PRPF8: variants seen among roughly 807,000 people sequenced by gnomAD.
PRPF8 encodes pre-mRNA-processing-splicing factor 8.
PRPF8 carries 64 observed loss-of-function variants against 285.9 expected under a neutral mutation model. The ratio of observed to expected loss-of-function variants is 0.22; its 90% CI spans 0.18 to 0.28. The LOEUF (loss-of-function observed/expected upper bound fraction) is 0.28. Among genes scored for constraint, PRPF8 ranks in the 10% least tolerant of loss-of-function variants. The pLI is 1.00. For missense variants in PRPF8, 1,426 were observed against 3,026.7 expected (o/e 0.47, Z 12.41); for synonymous variants, 1,325 against 1,118.2 (o/e 1.18, Z -3.69).
chr17:1,657,563 G>A (rs28406039), intron 34 of PRPF8, among the ~76,000 whole-genome samples: 25,472 of 148,192 alleles, frequency 0.17, 4,365 homozygotes, highest in African/African-American at 0.45. Context: ...GGAGAATGGC[G>A]TGAACCTGGG....
In PRPF8 at chr17:1,675,395, C is replaced by G; in HGVS notation, c.2873-56G>C. ...GTTAGAAATCCTCTTGCAAGACTAG[C>G]CCCACAGGAACTATCATTACCTTCC... is the stretch of plus-strand genomic sequence containing the variant. On this transcript the variant is annotated intron_variant, in intron 19 of 42. Coordinates refer to ENST00000304992, the MANE Select transcript of PRPF8 (RefSeq NM_006445.4). This position sits in a 1 kb window ranked among gnomAD's most constrained non-coding sequence, Gnocchi z 6.0. 6.3e-7 allele frequency: 1 copy of G among 1,586,188 alleles called. No homozygotes were observed. Among genetic ancestry groups the G allele is most frequent in the South Asian group, 1.1e-5 (1 of 90,484 alleles).
rs781260244 is a variant in PRPF8 at position 1,673,320 on chromosome 17, C to G, written c.3657+37G>C. 6.2e-7 allele frequency: 1 copy of G among 1,610,954 alleles called. No individual in the cohort carries two copies. The highest frequency in any genetic ancestry group is 8.5e-7 in the Non-Finnish European group (1 of 1,177,794). ...CGGTGACTGACCCAGGAAGTGCAGG[C>G]GCGTTCATGTCACTCCCAGCCCCGC... On this transcript the variant is annotated intron_variant, in intron 23 of 42. Coordinates refer to ENST00000304992, the MANE Select transcript of PRPF8 (RefSeq NM_006445.4). This position sits in a 1 kb window ranked among gnomAD's most constrained non-coding sequence, Gnocchi z 5.5.
intron 24 of PRPF8, among the ~76,000 whole-genome samples, chr17:1,672,239 A>G (rs1299042214): frequency 1.3e-5 from 2 of 152,170 alleles, no homozygotes; most frequent in African/African-American, 2.4e-5. Context: ...TGTTATAGCT[A>G]AGAGTTACTC....
At chr17:1,670,304 T>C (rs1161053737) in intron 24 of PRPF8, among the ~76,000 whole-genome samples, 4 of 152,250 alleles carry the variant, frequency 2.6e-5, no homozygotes, top group African/African-American at 9.6e-5. Context: ...TTCTTGTTCA[T>C]GTGGTCTTCC....
At chr17:1,672,459 T>C (rs904911831) in intron 24 of PRPF8, among the ~76,000 whole-genome samples, 1 of 152,188 alleles carries the variant, frequency 6.6e-6, no homozygotes, top group Non-Finnish European at 1.5e-5. Flanking sequence ...TTTGTATTTT[T>C]AGCAGAGACG....
intron 14 of PRPF8, 50 bp from the exon 15 acceptor site, chr17:1,677,222 A>G (rs1334208058): frequency 6.5e-7 from 1 of 1,543,092 alleles, no homozygotes; most frequent in South Asian, 1.1e-5. Context: ...CCTTGCTTTC[A>G]ATAAGGGTCT....
rs995898931 is a variant in PRPF8 at position 1,675,081 on chromosome 17, A to G, written c.3060+71T>C. 8.6e-5 allele frequency: 136 copies of G among 1,590,596 alleles called. No individual in the cohort carries two copies. The highest frequency in any genetic ancestry group is 1.1e-4 in the Non-Finnish European group (130 of 1,163,588). ...AGCCACCGCACCCAGCCTCCTCCTCAGCAAATTCTGAGTCAGTGGGCCAGA... is the reference window on the plus strand; with the variant it reads ...AGCCACCGCACCCAGCCTCCTCCTCGGCAAATTCTGAGTCAGTGGGCCAGA... On this transcript the variant is annotated intron_variant, in intron 20 of 42. Transcript: ENST00000304992. This position sits in a 1 kb window ranked among gnomAD's most constrained non-coding sequence, Gnocchi z 6.0.
In PRPF8 at chr17:1,658,722, TG is replaced by T; in HGVS notation, c.5179del (p.Gln1727AsnfsTer8). 1 of 1,614,222 alleles carries T rather than the reference TG, an allele frequency of 6.2e-7. No homozygotes were observed. The highest frequency in any genetic ancestry group is 8.5e-7 in the Non-Finnish European group (1 of 1,180,050). On this transcript the variant is annotated frameshift_variant, in exon 33 of 43. Coordinates refer to ENST00000304992, the MANE Select transcript of PRPF8 (RefSeq NM_006445.4). LOFTEE classifies it high-confidence loss of function. The surrounding 1 kb of genome is among the most constrained non-coding windows in gnomAD (Gnocchi z 4.1). The part of the protein sequence containing the change: ...NWFPGSKPLI[Q>X]QAMAKIMKAN... ...CTTCATGATCTTGGCCATGGCCTGTTGTATGAGAGGCTTGCTGCCTGGGAAC... is the reference window on the plus strand; with the variant it reads ...CTTCATGATCTTGGCCATGGCCTGTTTATGAGAGGCTTGCTGCCTGGGAAC...
Position 1,676,547 on chromosome 17 carries a change from G to A in PRPF8, c.2346C>T (p.Leu782=), listed in dbSNP as rs759176167. The A allele has an allele frequency of 1.9e-6, 3 of 1,614,134 alleles. No homozygotes were observed. Among genetic ancestry groups the A allele is most frequent in the African/African-American group, 2.7e-5 (2 of 75,034 alleles). Residue 782 remains leucine, a synonymous_variant, in exon 16 of 43, where the codon CTC becomes CTT. Transcript: ENST00000304992. The surrounding 1 kb of genome is among the most constrained non-coding windows in gnomAD (Gnocchi z 6.3). The stretch of plus-strand genomic sequence containing the variant: ...GCCGCTCCTGTTCTGCCTTCAGATA[G>A]AGCCGGGTGAGGCGGCCCAGATTCT... ...CKKNLGRLTR[L]YLKAEQERQH... is the part of the protein sequence containing the mutation.
At position 1,659,634 on chromosome 17, in the gene PRPF8, A is replaced by G. The variant is rs2151115337; in HGVS notation, c.4947-86T>C. 6.6e-7 allele frequency: 1 copy of G among 1,519,996 alleles called. No homozygotes were observed. The highest frequency in any genetic ancestry group is 2.3e-5 in the East Asian group (1 of 43,690). 94.2% of individuals were successfully genotyped at this position (1,519,996 alleles called of 1,614,324 possible). On this transcript the variant is annotated intron_variant, in intron 31 of 42. Transcript: ENST00000304992. This position sits in a 1 kb window ranked among gnomAD's most constrained non-coding sequence, Gnocchi z 5.1. ...CCAGAACCACTTAAATCCCAAAACC[A>G]TCCCACCCACTCCACCAACTTGTTC...
chr17:1,671,591 C>A (rs931167898), intron 24 of PRPF8, among the ~76,000 whole-genome samples: 1 of 152,098 alleles, frequency 6.6e-6, no homozygotes, highest in South Asian at 2.1e-4. Context: ...GTGGCTCACG[C>A]CTGTAATCCC....
In PRPF8 at chr17:1,653,373, G is replaced by T; in HGVS notation, c.6369+169C>A. ...CCTTCTCTCAGCTGCCACAGCTTTTGCTATCTCATGGGGCCAAAACCCACC... is the reference window on the plus strand; with the variant it reads ...CCTTCTCTCAGCTGCCACAGCTTTTTCTATCTCATGGGGCCAAAACCCACC... On this transcript the variant is annotated intron_variant, in intron 39 of 42. Transcript: ENST00000304992. The surrounding 1 kb of genome is among the most constrained non-coding windows in gnomAD (Gnocchi z 4.9). 1 of 815,988 alleles carries T rather than the reference G, an allele frequency of 1.2e-6. No individual in the cohort carries two copies. The highest frequency in any genetic ancestry group is 2.0e-6 in the Non-Finnish European group (1 of 491,906). 50.5% of individuals were successfully genotyped at this position (815,988 alleles called of 1,614,324 possible). A position where few individuals can be genotyped will look rare whatever the true frequency, so the allele number is the denominator to read the frequency against.
intron 24 of PRPF8, among the ~76,000 whole-genome samples, chr17:1,663,707 T>C (rs1188574106): frequency 1.5e-5 from 1 of 67,368 alleles, no homozygotes; most frequent in Non-Finnish European, 2.5e-5. Context: ...AGAGACTCCA[T>C]CTCAAAAAAA....
In PRPF8 at chr17:1,655,466, G is replaced by A. The variant is rs755482476; in HGVS notation, c.5871C>T (p.Asp1957=). 2 of 1,614,042 alleles carry A rather than the reference G, an allele frequency of 1.2e-6. No homozygotes were observed. The highest frequency in any genetic ancestry group is 1.1e-5 in the South Asian group (1 of 91,084). Reference sequence around the variant, plus strand: ...GGTGTGGTTCTGTAATAGTAGTCTTGTCTGGCTTCAGGATCACTTTTGCCC... The same window carrying A: ...GGTGTGGTTCTGTAATAGTAGTCTTATCTGGCTTCAGGATCACTTTTGCCC... ...NDRAKVILKP[D]KTTITEPHHI... is the part of the protein sequence containing the mutation. Residue 1957 remains aspartate, a synonymous_variant, in exon 37 of 43, where the codon GAC becomes GAT. Coordinates refer to ENST00000304992, the MANE Select transcript of PRPF8 (RefSeq NM_006445.4).
At chr17:1,680,208 A>G (rs530808259) in intron 8 of PRPF8, among the ~76,000 whole-genome samples, 12 of 152,334 alleles carry the variant, frequency 7.9e-5, no homozygotes, top group African/African-American at 2.6e-4. Flanking sequence ...ATTTCATTCT[A>G]TCATATGAAA....
rs1911509116 is a variant in PRPF8 at position 1,658,435 on chromosome 17, C to G, written c.5377-54G>C. The G allele has an allele frequency of 6.2e-7, 1 of 1,614,066 alleles. No individual in the cohort carries two copies. The highest frequency in any genetic ancestry group is 8.5e-7 in the Non-Finnish European group (1 of 1,180,034). ...GCCTACACAACACATCCCCATCCTGCCTTCTTCCCAGCATGTGTACACACT... is the reference window on the plus strand; with the variant it reads ...GCCTACACAACACATCCCCATCCTGGCTTCTTCCCAGCATGTGTACACACT... On this transcript the variant is annotated intron_variant, in intron 33 of 42. Transcript: ENST00000304992. This position sits in a 1 kb window ranked among gnomAD's most constrained non-coding sequence, Gnocchi z 4.1.
At chr17:1,684,428 C>A in intron 2 of PRPF8, 44 bp downstream of exon 2, 1 of 1,606,344 alleles carries the variant, frequency 6.2e-7, no homozygotes, top group South Asian at 1.1e-5. Context: ...CGCGCACACC[C>A]GCCCCGCCTC....
In PRPF8 at chr17:1,682,430, T is replaced by G; in HGVS notation, c.270-137A>C. ...CTCCCAAACTTAGCCCACAGGCCCT[T>G]CCTAACCAGAAACCCTGCCTCTCCC... On this transcript the variant is annotated intron_variant, in intron 3 of 42. Coordinates refer to ENST00000304992, the MANE Select transcript of PRPF8 (RefSeq NM_006445.4). 1.5e-5 allele frequency: 16 copies of G among 1,089,748 alleles called. No individual in the cohort carries two copies. In the South Asian group the frequency reaches 2.2e-4, roughly 15 times the overall value. 67.5% of individuals were successfully genotyped at this position (1,089,748 alleles called of 1,614,324 possible). A position where few individuals can be genotyped will look rare whatever the true frequency, so the allele number is the denominator to read the frequency against.
At position 1,668,929 on chromosome 17, in the gene PRPF8, C is replaced by T. The variant is rs116166419; in HGVS notation, c.3774+4152G>A. Reference sequence around the variant, plus strand: ...TGAAATTCACTATGCACAACTCTTTCCCCTAACTGCAGCCCAAGAAAAGCT... The same window carrying T: ...TGAAATTCACTATGCACAACTCTTTTCCCTAACTGCAGCCCAAGAAAAGCT... On this transcript the variant is annotated intron_variant, in intron 24 of 42. Coordinates refer to ENST00000304992, the MANE Select transcript of PRPF8 (RefSeq NM_006445.4). Among the ~76,000 whole-genome samples, 1,328 of 152,254 alleles carry T rather than the reference C, an allele frequency of 8.7e-3. 25 individuals carry two copies. Among genetic ancestry groups the T allele is most frequent in the African/African-American group, 0.03 (1,249 of 41,546 alleles).
Sources: gnomAD v4.1 joint callset for allele counts (sites outside exome capture counted in the v4.1 genomes callset) on GRCh38, gnomAD v4.1.1 for gene constraint, Gnocchi (gnomAD v3.1) non-coding constraint, MANE v1.5 for transcripts, NCBI Gene and HGNC (gene_info 2026-07-23, HGNC 2026-07-21) for gene names.